Variants in NAB1 observed in about 807,000 individuals in gnomAD.
NAB1 encodes the protein NGFI-A-binding protein 1.
Under a neutral mutation model 49.9 loss-of-function variants are expected in NAB1, and 25 were observed. The observed-to-expected ratio is 0.50, with a 90% confidence interval of 0.37 to 0.70. The LOEUF (loss-of-function observed/expected upper bound fraction) is 0.70. NAB1 is among the 30% of genes least tolerant of loss of function. NAB1 has a pLI of 0.00. For synonymous variants in NAB1, 198 were observed against 215.6 expected, an observed-to-expected ratio of 0.92 and a Z score of 0.71; for missense variants, 489 against 575.9, an observed-to-expected ratio of 0.85 and a Z score of 1.54.
chr2:190,659,338 A>G lies in NAB1; in HGVS notation c.162A>G (p.Ala54=). ...AGEEEFLEIM[A]LVGMASKPLH... is the part of the protein sequence containing the mutation. Reference sequence around the variant, plus strand: ...AAGAGGAGTTTTTGGAAATCATGGCACTCGTGGGCATGGCTAGCAAGCCCC... The same window carrying G: ...AAGAGGAGTTTTTGGAAATCATGGCGCTCGTGGGCATGGCTAGCAAGCCCC... The change falls in exon 4 of 10, where the codon GCA becomes GCG. Residue 54 remains alanine, a synonymous_variant. Coordinates refer to ENST00000337386, the MANE Select transcript of NAB1 (RefSeq NM_005966.4). This position sits in a 1 kb window ranked among gnomAD's most constrained non-coding sequence, Gnocchi z 6.2. 6.2e-7 allele frequency: 1 copy of G among 1,614,126 alleles called. No individual in the cohort carries two copies. Among genetic ancestry groups the G allele is most frequent in the Non-Finnish European group, 8.5e-7 (1 of 1,180,020 alleles).
At chr2:190,658,941 T>C (rs1202020068) in intron 3 of NAB1, 1 of 408,852 alleles carries the variant, frequency 2.4e-6, no homozygotes, top group Non-Finnish European at 4.3e-6. Context: ...TTACCATTTA[T>C]TCTCTTTTGG....
rs1437762075 is a variant in NAB1 at position 190,652,656 on chromosome 2, G to T, written c.-197+2674G>T. ...CAAATTACAGTCAATTCATTAGAAG[G>T]TATATATTTAATTCATAGCTAAGAT... On this transcript the variant is annotated intron_variant, in intron 2 of 9. Transcript: ENST00000337386. This position sits in a 1 kb window ranked among gnomAD's most constrained non-coding sequence, Gnocchi z 4.2. 6.6e-6 allele frequency among the ~76,000 whole-genome samples: 1 copy of T among 152,104 alleles called. No homozygotes were observed. Among genetic ancestry groups the T allele is most frequent in the African/African-American group, 2.4e-5 (1 of 41,416 alleles).
At chr2:190,671,769 CTT>C (rs1177937369) in intron 5 of NAB1, among the ~76,000 whole-genome samples, 71 of 71,738 alleles carry the variant, frequency 9.9e-4, no homozygotes, top group Middle Eastern at 0.015. Flanking sequence ...TTCACCTTTC[CTT>C]TTTTTTTTTT....
At chr2:190,662,240 C>T (rs1694262918) in intron 4 of NAB1, among the ~76,000 whole-genome samples, 1 of 151,864 alleles carries the variant, frequency 6.6e-6, no homozygotes, top group African/African-American at 2.4e-5. Context: ...GCTATCTATA[C>T]CTGTAAGTTT....
At chr2:190,673,029 C>A in intron 5 of NAB1, 72 bp from the exon 6 acceptor site, 1 of 1,436,660 alleles carries the variant, frequency 7.0e-7, no homozygotes, top group Non-Finnish European at 9.6e-7. Flanking sequence ...AGGTTATAGG[C>A]TGAGATGCCT....
At chr2:190,664,093 C>T (rs972064198) in intron 4 of NAB1, among the ~76,000 whole-genome samples, 1 of 152,088 alleles carries the variant, frequency 6.6e-6, no homozygotes, top group Admixed American at 6.5e-5. Context: ...CTATATGTGT[C>T]TGTTCTAACA....
At position 190,659,604 on chromosome 2, in the gene NAB1, A is replaced by T; in HGVS notation, c.428A>T (p.Lys143Met). ...TTCVQSLGQGKSDVVGSLALQ... is the reference protein window; with the variant it reads ...TTCVQSLGQGMSDVVGSLALQ... ...TGTGTGCAGAGCTTGGGACAGGGGA[A>T]GTCAGATGTGGTTGGGAGCCTAGCA... The change falls in exon 4 of 10, where the codon AAG (lysine) becomes ATG (methionine). Residue 143 changes from lysine (K) to methionine (M), a missense_variant. Around this residue, in one of 4 missense-constraint regions of NAB1, gnomAD observed 204 missense variants for 220.9 expected, o/e 0.92. Transcript: ENST00000337386. This position sits in a 1 kb window ranked among gnomAD's most constrained non-coding sequence, Gnocchi z 6.2. 3.1e-6 allele frequency: 5 copies of T among 1,614,240 alleles called. No homozygotes were observed. The highest frequency in any genetic ancestry group is 4.2e-6 in the Non-Finnish European group (5 of 1,180,026).
rs923322040 is a variant in NAB1, at chr2:190,649,984, T to G, written c.-197+2T>G. On this transcript the variant is annotated splice_donor_variant, in intron 2 of 9. Transcript: ENST00000337386. LOFTEE classifies it low-confidence loss of function (5UTR_SPLICE). This position sits in a 1 kb window ranked among gnomAD's most constrained non-coding sequence, Gnocchi z 6.1. ...GACATACAAGCGTTGGATATAGAGGTGTGTGTGTGTGACCTTATCATGGAG... is the reference window on the plus strand; with the variant it reads ...GACATACAAGCGTTGGATATAGAGGGGTGTGTGTGTGACCTTATCATGGAG... 2 of 151,894 alleles carry G rather than the reference T, an allele frequency of 1.3e-5. No individual in the cohort carries two copies. The highest frequency in any genetic ancestry group is 4.8e-5 in the African/African-American group (2 of 41,322). The allele number at this position is 151,894 out of a possible 1,614,324, so 9.4% of individuals were successfully genotyped here.
rs1695080958 is a variant in NAB1 at position 190,676,535 on chromosome 2, C to T, written c.1005+3383C>T. ...CTTGAGTCCAGGAGTTTGAGACCAG[C>T]CTGGGCAACATGGCAAAACCCCATC... On this transcript the variant is annotated intron_variant, in intron 6 of 9. Transcript: ENST00000337386. The surrounding 1 kb of genome is among the most constrained non-coding windows in gnomAD (Gnocchi z 4.6). 1.3e-5 allele frequency among the ~76,000 whole-genome samples: 2 copies of T among 152,050 alleles called. No homozygotes were observed. The highest frequency in any genetic ancestry group is 1.3e-4 in the Admixed American group (2 of 15,262).
In NAB1 at chr2:190,692,332, G is replaced by A. The variant is rs752142958; in HGVS notation, c.*1999G>A. The A allele has an allele frequency of 6.6e-6, 1 of 152,110 alleles. No individual in the cohort carries two copies. Among genetic ancestry groups the A allele is most frequent in the Non-Finnish European group, 1.5e-5 (1 of 67,952 alleles). 9.4% of individuals were successfully genotyped at this position (152,110 alleles called of 1,614,324 possible). A position where few individuals can be genotyped will look rare whatever the true frequency, so the allele number is the denominator to read the frequency against. The stretch of plus-strand genomic sequence containing the variant: ...TCCAACTTCCAATATTTATCCATTC[G>A]TTGTGGACCCACAGATTGCATCTTT... On this transcript the variant is annotated 3_prime_UTR_variant, in exon 10 of 10. Coordinates refer to ENST00000337386, the MANE Select transcript of NAB1 (RefSeq NM_005966.4). The surrounding 1 kb of genome is among the most constrained non-coding windows in gnomAD (Gnocchi z 5.2).
Position 190,685,519 on chromosome 2 carries a change from A to T in NAB1, c.1139A>T (p.Asn380Ile). Residue 380 changes from asparagine to isoleucine, a missense_variant, in exon 8 of 10, where the codon AAC becomes ATC. By Grantham distance (149) the Asn-to-Ile change is moderately radical. This residue lies in a region of NAB1 where 212 missense variants were observed against 199.3 expected (regional missense o/e 1.06). Transcript: ENST00000337386. This position sits in a 1 kb window ranked among gnomAD's most constrained non-coding sequence, Gnocchi z 4.5. ...GCAAAGCAGATGGAGTTCCTTTGCA[A>T]CCAAGCTGGCTATGAGAGACTGCAG... The part of the protein sequence containing the change: ...VMAKQMEFLC[N>I]QAGYERLQHA... The T allele has an allele frequency of 6.2e-7, 1 of 1,613,682 alleles. No individual in the cohort carries two copies. The highest frequency in any genetic ancestry group is 8.5e-7 in the Non-Finnish European group (1 of 1,179,896).
rs1158261504 is a variant in NAB1 at position 190,663,128 on chromosome 2, C to T, written c.819+3133C>T. On this transcript the variant is annotated intron_variant, in intron 4 of 9. Transcript: ENST00000337386. The surrounding 1 kb of genome is among the most constrained non-coding windows in gnomAD (Gnocchi z 4.2). ...AATTCATAGATTTCAGCATCTAACA[C>T]TTGAAATGCTGGACTTTTCCTTCTG... Among the ~76,000 whole-genome samples, 3 of 152,232 alleles carry T rather than the reference C, an allele frequency of 2.0e-5. No homozygotes were observed. Among genetic ancestry groups the T allele is most frequent in the Admixed American group, 1.3e-4 (2 of 15,284 alleles).
In NAB1 at chr2:190,651,039, C is replaced by T. The variant is rs890038535; in HGVS notation, c.-197+1057C>T. 2.6e-5 allele frequency among the ~76,000 whole-genome samples: 4 copies of T among 152,102 alleles called. No individual in the cohort carries two copies. The highest frequency in any genetic ancestry group is 9.7e-5 in the African/African-American group (4 of 41,410). On this transcript the variant is annotated intron_variant, in intron 2 of 9. Transcript: ENST00000337386. This position sits in a 1 kb window ranked among gnomAD's most constrained non-coding sequence, Gnocchi z 4.3. ...GATTAAAAATGTTTTTTTCCCGACTCTGATGGTCTCTTGTTACTTGTGAAG... is the reference window on the plus strand; with the variant it reads ...GATTAAAAATGTTTTTTTCCCGACTTTGATGGTCTCTTGTTACTTGTGAAG...
At position 190,670,690 on chromosome 2, in the gene NAB1, C is replaced by G. The variant is rs1694758936; in HGVS notation, c.953+231C>G. Among the ~76,000 whole-genome samples the G allele has an allele frequency of 6.6e-6, 1 of 152,152 alleles. No individual in the cohort carries two copies. Among genetic ancestry groups the G allele is most frequent in the Non-Finnish European group, 1.5e-5 (1 of 68,024 alleles). On this transcript the variant is annotated intron_variant, in intron 5 of 9. Coordinates refer to ENST00000337386, the MANE Select transcript of NAB1 (RefSeq NM_005966.4). This position sits in a 1 kb window ranked among gnomAD's most constrained non-coding sequence, Gnocchi z 5.3. ...ATTCTCTAGTTACTATAGCATTGTT[C>G]TGGTAGTGGTTTTAAACATTCTTCT...
intron 3 of NAB1, chr2:190,658,910 T>C (rs1694073168): frequency 5.7e-6 from 2 of 353,780 alleles, no homozygotes; most frequent in African/African-American, 4.1e-5. Context: ...TGATCCTTGG[T>C]TTGAACCTCC....
Position 190,663,984 on chromosome 2 carries a change from A to G in NAB1, c.819+3989A>G, listed in dbSNP as rs1215257647. Among the ~76,000 whole-genome samples, 4 of 152,264 alleles carry G rather than the reference A, an allele frequency of 2.6e-5. No individual in the cohort carries two copies. The highest frequency in any genetic ancestry group is 9.6e-5 in the African/African-American group (4 of 41,564). ...AGAGAACATGGTTTGTGTGATGCCA[A>G]CCCTTTAAAATTTGTTGAGAGTTTA... On this transcript the variant is annotated intron_variant, in intron 4 of 9. Transcript: ENST00000337386. This position sits in a 1 kb window ranked among gnomAD's most constrained non-coding sequence, Gnocchi z 4.2.
chr2:190,664,376 C>G (rs1559233224), intron 4 of NAB1, among the ~76,000 whole-genome samples: 1 of 150,412 alleles, frequency 6.6e-6, no homozygotes, highest in Non-Finnish European at 1.5e-5. Context: ...ACAGGGTTCA[C>G]TTTGTCACCC....
At position 190,651,976 on chromosome 2, in the gene NAB1, T is replaced by C. The variant is rs949481185; in HGVS notation, c.-197+1994T>C. On this transcript the variant is annotated intron_variant, in intron 2 of 9. Coordinates refer to ENST00000337386, the MANE Select transcript of NAB1 (RefSeq NM_005966.4). The surrounding 1 kb of genome is among the most constrained non-coding windows in gnomAD (Gnocchi z 4.3). ...TTGGATTTATTTTTATCTTACCTGC[T>C]TCTTTTATCCTTTTCAACAGTAGAA... Among the ~76,000 whole-genome samples, 3 of 152,232 alleles carry C rather than the reference T, an allele frequency of 2.0e-5. No individual in the cohort carries two copies. The highest frequency in any genetic ancestry group is 7.2e-5 in the African/African-American group (3 of 41,448).
At position 190,669,316 on chromosome 2, in the gene NAB1, T is replaced by C. The variant is rs1022632384; in HGVS notation, c.820-1010T>C. Among the ~76,000 whole-genome samples the C allele has an allele frequency of 6.6e-6, 1 of 152,226 alleles. No homozygotes were observed. Among genetic ancestry groups the C allele is most frequent in the Admixed American group, 6.5e-5 (1 of 15,282 alleles). ...GGGTACTGCCGTACCTGATTTCTTA[T>C]GAAAAGAAAACAAGAATTAACACTA... On this transcript the variant is annotated intron_variant, in intron 4 of 9. Transcript: ENST00000337386. This position sits in a 1 kb window ranked among gnomAD's most constrained non-coding sequence, Gnocchi z 4.3.
Sources: allele counts gnomAD v4.1 joint callset (sites outside exome capture counted in the v4.1 genomes callset), GRCh38; gene constraint gnomAD v4.1.1; regional missense constraint gnomAD v4.1.1; non-coding constraint Gnocchi (gnomAD v3.1); transcripts MANE v1.5; gene names NCBI Gene and HGNC (gene_info 2026-07-23, HGNC 2026-07-21).